RTCB: variants seen among roughly 807,000 people sequenced by gnomAD.
RTCB encodes RNA 2',3'-cyclic phosphate and 5'-OH ligase.
RTCB carries 32 observed loss-of-function variants against 58.2 expected under a neutral mutation model. The observed-to-expected ratio is 0.55, with a 90% CI of 0.41 to 0.74. The LOEUF (loss-of-function observed/expected upper bound fraction) is 0.74. Ranked by LOEUF, RTCB falls within the 30% of genes least tolerant of loss-of-function variation. RTCB has a pLI of 0.00. For missense variants in RTCB, 523 were observed against 639.0 expected, an observed-to-expected ratio of 0.82 and a Z score of 1.96; for synonymous variants, 247 against 218.6, an observed-to-expected ratio of 1.13 and a Z score of -1.15.
chr22:32,412,017 C>T lies in RTCB; in HGVS notation c.93+47G>A, dbSNP rs1480406777. The T allele has an allele frequency of 4.7e-6, 7 of 1,494,484 alleles. No individual in the cohort carries two copies. In the African/African-American group the frequency reaches 7.0e-5, roughly 15 times the overall value. The allele number at this position is 1,494,484 out of a possible 1,614,324, so 92.6% of individuals were successfully genotyped here. On this transcript the variant is annotated intron_variant, in intron 1 of 11. Coordinates refer to ENST00000216038, the MANE Select transcript of RTCB (RefSeq NM_014306.5). ...GAGGGCGCAGTGGACGCCGGCCGGG[C>T]CGGGGACGGAGCACGGAAGGCCCCG...
chr22:32,408,208 A>C lies in RTCB; in HGVS notation c.207T>G (p.Ile69Met), dbSNP rs757989603. 2.5e-6 allele frequency: 4 copies of C among 1,614,190 alleles called. No homozygotes were observed. The highest frequency in any genetic ancestry group is 2.5e-6 in the Non-Finnish European group (3 of 1,179,998). Residue 69 changes from isoleucine (I) to methionine (M), a missense_variant, in exon 3 of 12, where the codon ATT (isoleucine) becomes ATG (methionine). This residue lies in a region of RTCB where 134 missense variants were observed against 129.9 expected (regional missense o/e 1.03). Transcript: ENST00000216038. ...TTCCAGGCAGGGCTGCCACATTGCC[A>C]ATCTGTTTCATGGCTGGCAGGAAGC... ...VGGFLPAMKQ[I>M]GNVAALPGIV... is the part of the protein sequence containing the mutation.
chr22:32,391,244 T>G (rs1224437717), intron 11 of RTCB, among the ~76,000 whole-genome samples: 1 of 152,216 alleles, frequency 6.6e-6, no homozygotes, highest in South Asian at 2.1e-4. Flanking sequence ...GGTACTCAGC[T>G]GGTGGAATAT....
intron 5 of RTCB, chr22:32,401,453 G>T (rs1933335317): frequency 4.1e-6 from 1 of 241,816 alleles, no homozygotes; most frequent in South Asian, 1.3e-4. Flanking sequence ...TAGGGTTATT[G>T]TCTGGATGAA....
chr22:32,408,058 T>A (rs1332866692), intron 3 of RTCB, 117 bp downstream of exon 3: 5 of 912,424 alleles, frequency 5.5e-6, no homozygotes, highest in Non-Finnish European at 8.5e-6. Flanking sequence ...GGCTTCATGG[T>A]TATGTCTGGC....
chr22:32,395,319 A>G (rs2145891095), intron 8 of RTCB, 105 bp from the exon 9 acceptor site: 1 of 900,362 alleles, frequency 1.1e-6, no homozygotes, highest in African/African-American at 1.7e-5. Context: ...TGAAGGGAGT[A>G]AAAGATTTAA....
chr22:32,390,487 C>T (rs1397336417), intron 11 of RTCB, among the ~76,000 whole-genome samples: 3 of 149,644 alleles, frequency 2.0e-5, no homozygotes, highest in Non-Finnish European at 3.0e-5. Flanking sequence ...GTTGCTCTGT[C>T]GCCCAGGCTG....
chr22:32,407,956 T>C lies in RTCB; in HGVS notation c.240+219A>G, dbSNP rs568017536. On this transcript the variant is annotated intron_variant, in intron 3 of 11. Transcript: ENST00000216038. ...TTTTGGTATAGACAGGGTCTTGCCA[T>C]GTTGCCCAGACTAGTCTTGAATTCC... 1.3e-3 allele frequency: 702 copies of C among 556,244 alleles called. 3 individuals are homozygous for C. Among genetic ancestry groups the C allele is most frequent in the East Asian group, 5.7e-3 (191 of 33,756 alleles). The allele number at this position is 556,244 out of a possible 1,614,324, so 34.5% of individuals were successfully genotyped here. A position where few individuals can be genotyped will look rare whatever the true frequency, so the allele number is the denominator to read the frequency against.
chr22:32,392,527 A>G (rs1161087183), intron 10 of RTCB, 168 bp from the exon 11 acceptor site: 2 of 906,136 alleles, frequency 2.2e-6, no homozygotes, highest in South Asian at 2.8e-5. Context: ...TGGACCGGAG[A>G]ATTCTTTGTT....
chr22:32,395,731 G>A (rs555873262), intron 8 of RTCB, among the ~76,000 whole-genome samples: 1 of 152,016 alleles, frequency 6.6e-6, no homozygotes, highest in Non-Finnish European at 1.5e-5. Flanking sequence ...GTCTCACTCT[G>A]TCACCCAGGC....
chr22:32,401,146 T>G (rs1362224713), intron 5 of RTCB, among the ~76,000 whole-genome samples: 1 of 150,480 alleles, frequency 6.6e-6, no homozygotes, highest in Non-Finnish European at 1.5e-5. Flanking sequence ...CACGCTGGGG[T>G]GCAGTACTGA....
chr22:32,396,115 C>A lies in RTCB; in HGVS notation c.949G>T (p.Ala317Ser). The change falls in exon 8 of 12, where the codon GCC (alanine) becomes TCC (serine). Residue 317 changes from alanine (A) to serine (S), a missense_variant. Ala to Ser is a moderately conservative substitution (Grantham distance 99). This residue lies in a region of RTCB where 248 missense variants were observed against 292.5 expected (regional missense o/e 0.85). Transcript: ENST00000216038. Reference protein sequence around the residue: ...LKGMAAAGNYAWVNRSSMTFL... With the variant: ...LKGMAAAGNYSWVNRSSMTFL... ...GTCATGGAAGAGCGGTTGACCCAGG[C>A]ATAGTTCCCAGCAGCTGCCATTCCC... 6.2e-7 allele frequency: 1 copy of A among 1,614,172 alleles called. No homozygotes were observed. Among genetic ancestry groups the A allele is most frequent in the Non-Finnish European group, 8.5e-7 (1 of 1,180,028 alleles).
In RTCB at chr22:32,412,207, G is replaced by C; in HGVS notation, c.-51C>G. The stretch of plus-strand genomic sequence containing the variant: ...CCCGGCTCCGCTTTGAAGAGCCGCT[G>C]CCGCGTAGTCCGGCTTCTCAGAGCA... On this transcript the variant is annotated 5_prime_UTR_variant, in exon 1 of 12. Coordinates refer to ENST00000216038, the MANE Select transcript of RTCB (RefSeq NM_014306.5). The C allele has an allele frequency of 1.4e-6, 2 of 1,461,304 alleles. No individual in the cohort carries two copies. The highest frequency in any genetic ancestry group is 1.8e-4 in the Middle Eastern group (1 of 5,566). 90.5% of individuals were successfully genotyped at this position (1,461,304 alleles called of 1,614,324 possible). A position where few individuals can be genotyped will look rare whatever the true frequency, so the allele number is the denominator to read the frequency against.
At position 32,398,051 on chromosome 22, in the gene RTCB, T is replaced by C. The variant is rs1569441439; in HGVS notation, c.704A>G (p.Asp235Gly). 2 of 1,614,016 alleles carry C rather than the reference T, an allele frequency of 1.2e-6. No individual in the cohort carries two copies. Among genetic ancestry groups the C allele is most frequent in the East Asian group, 2.2e-5 (1 of 44,890 alleles). The change falls in exon 7 of 12, where the codon GAT (aspartate) becomes GGT (glycine). Residue 235 changes from aspartate to glycine, a missense_variant. This residue lies in a region of RTCB where 141 missense variants were observed against 216.7 expected (regional missense o/e 0.65). Coordinates refer to ENST00000216038, the MANE Select transcript of RTCB (RefSeq NM_014306.5). ...AGCAGCATACTCATTGAAAATCTCA[T>C]CCACAACCTGGATTTCTGCATAATG... ...GNHYAEIQVV[D>G]EIFNEYAAKK...
At chr22:32,392,119 TAA>T in intron 11 of RTCB, 119 bp downstream of exon 11, 3 of 1,006,536 alleles carry the variant, frequency 3.0e-6, no homozygotes, top group Non-Finnish European at 2.8e-6. Context: ...ATTGAGGTCA[TAA>T]AAAAAAATAA....
At chr22:32,403,143 G>A (rs544011954) in intron 4 of RTCB, among the ~76,000 whole-genome samples, 40 of 152,142 alleles carry the variant, frequency 2.6e-4, no homozygotes, top group South Asian at 2.1e-4. Context: ...GCAGGGGCTC[G>A]TGCCTGTAAT....
At chr22:32,399,542 C>T in intron 6 of RTCB, 61 bp downstream of exon 6, 1 of 1,452,824 alleles carries the variant, frequency 6.9e-7, no homozygotes, top group Non-Finnish European at 9.4e-7. Context: ...AGATTTTTTT[C>T]CCCCAATAAA....
Position 32,395,031 on chromosome 22 carries a change from A to C in RTCB, c.1174T>G (p.Tyr392Asp). The C allele has an allele frequency of 1.9e-6, 3 of 1,612,918 alleles. No homozygotes were observed. In the South Asian group the frequency reaches 3.3e-5, roughly 18 times the overall value. ...ACAAACGTAGAGCTACGTACTTGGT[A>C]ATCAACAGCAATGAGGGGATGGTGA... ...PPHHPLIAVD[Y>D]QLTGQPVLIG... The change falls in exon 9 of 12, where the codon TAC becomes GAC. Residue 392 changes from tyrosine (Y) to aspartate (D), a missense_variant. Coordinates refer to ENST00000216038, the MANE Select transcript of RTCB (RefSeq NM_014306.5).
intron 10 of RTCB, 158 bp from the exon 11 acceptor site, chr22:32,392,517 T>C (rs1933171273): frequency 3.1e-6 from 3 of 966,082 alleles, no homozygotes; most frequent in Admixed American, 2.0e-5. Context: ...TTTTAGATTT[T>C]GGACCGGAGA....
intron 11 of RTCB, among the ~76,000 whole-genome samples, chr22:32,391,682 C>T (rs144453816): frequency 5.9e-5 from 9 of 152,248 alleles, no homozygotes; most frequent in South Asian, 4.1e-4. Flanking sequence ...TGAGCCACCA[C>T]GCCCGGCCGA....
Sources: gnomAD v4.1 joint callset for allele counts (sites outside exome capture counted in the v4.1 genomes callset) on GRCh38, gnomAD v4.1.1 for gene constraint, gnomAD v4.1.1 regional missense constraint, MANE v1.5 for transcripts, NCBI Gene and HGNC (gene_info 2026-07-23, HGNC 2026-07-21) for gene names.